The following TBC1D3B variants were observed in gnomAD, a reference collection of about 807,000 sequenced individuals.
TBC1D3B encodes Rab GTPase-activating protein PRC17 duplicate.
TBC1D3B carries 2 observed loss-of-function variants against 27.1 expected under a neutral mutation model. That is an observed-to-expected ratio of 0.07 (90% confidence interval 0.03 to 0.23). The LOEUF is 0.23. TBC1D3B is among the 10% of genes least tolerant of loss of function. TBC1D3B has a pLI of 1.00. For synonymous variants in TBC1D3B, 3 were observed against 150.1 expected, an observed-to-expected ratio of 0.02 and a Z score of 7.16; for missense variants, 17 against 401.3, an observed-to-expected ratio of 0.04 and a Z score of 8.18.
intron 13 of TBC1D3B, among the ~76,000 whole-genome samples, chr17:36,167,049 C>T (rs2068266603): frequency 1.9e-5 from 2 of 105,160 alleles, no homozygotes; most frequent in African/African-American, 5.1e-5. Flanking sequence ...GGCTCTGGGC[C>T]CGGGGTCCCG....
intron 7 of TBC1D3B, among the ~76,000 whole-genome samples, chr17:36,170,864 C>A (rs1362446029): frequency 2.1e-5 from 2 of 94,452 alleles, no homozygotes; most frequent in Admixed American, 9.3e-5. Flanking sequence ...TTTGCACACA[C>A]GCCAGTTCAG....
In TBC1D3B at chr17:36,165,918, A is replaced by C; in HGVS notation, c.*77T>G. On this transcript the variant is annotated 3_prime_UTR_variant, in exon 14 of 14. Transcript: ENST00000611257. Reference sequence around the variant, plus strand: ...CATATTCATAAGTTTAACCAAAAATAAAACGAGGACGCGAAGCTTGCTTGG... The same window carrying C: ...CATATTCATAAGTTTAACCAAAAATCAAACGAGGACGCGAAGCTTGCTTGG... The C allele has an allele frequency of 1.0e-6, 1 of 994,568 alleles. No individual in the cohort carries two copies. The highest frequency in any genetic ancestry group is 2.2e-5 in the East Asian group (1 of 44,694). 61.6% of individuals were successfully genotyped at this position (994,568 alleles called of 1,614,324 possible). A position where few individuals can be genotyped will look rare whatever the true frequency, so the allele number is the denominator to read the frequency against.
At chr17:36,169,436 C>G (rs2068314763) in intron 9 of TBC1D3B, among the ~76,000 whole-genome samples, 1 of 149,588 alleles carries the variant, frequency 6.7e-6, no homozygotes, top group South Asian at 2.1e-4. Flanking sequence ...GACAGGGTGG[C>G]CGGAACTGGG....
At chr17:36,166,829 G>C (rs1263288450) in intron 13 of TBC1D3B, among the ~76,000 whole-genome samples, 1 of 36,872 alleles carries the variant, frequency 2.7e-5, no homozygotes, top group South Asian at 1.7e-3. Flanking sequence ...ACACACCTTC[G>C]TCCCAGGGCT....
rs2068305183 is a variant in TBC1D3B, at chr17:36,169,069, C to A, written c.762+11G>T. On this transcript the variant is annotated intron_variant, in intron 10 of 13. Coordinates refer to ENST00000611257, the MANE Select transcript of TBC1D3B (RefSeq NM_001001417.7). ...GGCCTCTGGGAAGAGCTGAGGGGAC[C>A]ATAAACTCACCTGATGCCCCATGGT... The A allele has an allele frequency of 1.2e-6, 2 of 1,605,670 alleles. No homozygotes were observed. Among genetic ancestry groups the A allele is most frequent in the South Asian group, 1.1e-5 (1 of 90,886 alleles).
chr17:36,170,884 G>A (rs1477280740), intron 7 of TBC1D3B, among the ~76,000 whole-genome samples: 1 of 91,648 alleles, frequency 1.1e-5, no homozygotes, highest in African/African-American at 2.6e-5. Context: ...GTCTGTGGGT[G>A]TACAGTTCCT....
chr17:36,175,561 A>C lies in TBC1D3B; in HGVS notation c.-1-510T>G, dbSNP rs1323572494. ...TGGCTACCGTGGCTCTTCAGTCTGA[A>C]CAGTGAAGCCACTTTAGGAATAACG... On this transcript the variant is annotated intron_variant, in intron 1 of 13. Transcript: ENST00000611257. Among the ~76,000 whole-genome samples, 15 of 104,984 alleles carry C rather than the reference A, an allele frequency of 1.4e-4. No homozygotes were observed. In the South Asian group the frequency reaches 2.9e-3, roughly 20 times the overall value. The allele number at this position is 104,984 out of a possible 152,430, so 68.9% of individuals were successfully genotyped here. A position where few individuals can be genotyped will look rare whatever the true frequency, so the allele number is the denominator to read the frequency against.
At chr17:36,170,935 C>T (rs2068340979) in intron 7 of TBC1D3B, among the ~76,000 whole-genome samples, 1 of 84,200 alleles carries the variant, frequency 1.2e-5, no homozygotes, top group African/African-American at 2.9e-5. Context: ...CCGGCCACCG[C>T]TCCAGCCCCT....
chr17:36,169,603 G>A (rs1282961502), intron 9 of TBC1D3B, among the ~76,000 whole-genome samples: 142 of 139,214 alleles, frequency 1.0e-3, no homozygotes, highest in African/African-American at 3.1e-3. Context: ...TCTCAGGGAG[G>A]GGAGAGTCAG....
chr17:36,169,591 A>C (rs77964667), intron 9 of TBC1D3B, among the ~76,000 whole-genome samples: 1 of 141,840 alleles, frequency 7.1e-6, no homozygotes, highest in Non-Finnish European at 1.6e-5. Flanking sequence ...GGGCAGGAGG[A>C]CTCTCAGGGA....
intron 1 of TBC1D3B, chr17:36,176,122 G>A (rs2068420326): frequency 3.4e-5 from 2 of 59,236 alleles, no homozygotes; most frequent in African/African-American, 1.5e-4. Context: ...TGGGAAACCT[G>A]GGCAGATTTG....
chr17:36,170,819 C>G lies in TBC1D3B; in HGVS notation c.498-216G>C, dbSNP rs2068337437. ...CCAGTTGTACAGTGACTTGCCTGAT[C>G]CTTTTCACTCTGAATGATTTTTTTT... On this transcript the variant is annotated intron_variant, in intron 7 of 13. Coordinates refer to ENST00000611257, the MANE Select transcript of TBC1D3B (RefSeq NM_001001417.7). 2.3e-5 allele frequency among the ~76,000 whole-genome samples: 2 copies of G among 86,630 alleles called. 1 individual carries two copies. Among genetic ancestry groups the G allele is most frequent in the Non-Finnish European group, 7.9e-5 (2 of 25,260 alleles). 56.8% of individuals were successfully genotyped at this position (86,630 alleles called of 152,430 possible).
chr17:36,171,389 G>C (rs1391767128), intron 7 of TBC1D3B, among the ~76,000 whole-genome samples: 1 of 150,840 alleles, frequency 6.6e-6, no homozygotes, highest in African/African-American at 2.4e-5. Flanking sequence ...CAAGTCCATC[G>C]AGCTTTGTGA....
chr17:36,171,521 G>A (rs1309410665), intron 7 of TBC1D3B, among the ~76,000 whole-genome samples: 1 of 151,226 alleles, frequency 6.6e-6, no homozygotes, highest in Non-Finnish European at 1.5e-5. Context: ...GCCTGGGGGG[G>A]CTCATGGGCC....
chr17:36,169,286 C>T lies in TBC1D3B; in HGVS notation c.668-112G>A, dbSNP rs1465111313. ...CCCCCAAACCCCAAGGCTACTCCCACCCTCCCATCTGGTGACCCCAACATG... is the reference window on the plus strand; with the variant it reads ...CCCCCAAACCCCAAGGCTACTCCCATCCTCCCATCTGGTGACCCCAACATG... On this transcript the variant is annotated intron_variant, in intron 9 of 13. Transcript: ENST00000611257. 149 of 1,546,134 alleles carry T rather than the reference C, an allele frequency of 9.6e-5. 14 individuals carry two copies. The highest frequency in any genetic ancestry group is 1.3e-4 in the Non-Finnish European group (142 of 1,121,270).
chr17:36,168,962 C>T (rs1448341741), intron 10 of TBC1D3B, 118 bp downstream of exon 10: 12 of 993,920 alleles, frequency 1.2e-5, no homozygotes, highest in African/African-American at 2.9e-5. Context: ...CGTCCCAGGT[C>T]AGGCCCTGGC....
chr17:36,175,691 C>T (rs1393411553), intron 1 of TBC1D3B, among the ~76,000 whole-genome samples: 1,535 of 102,658 alleles, frequency 0.015, no homozygotes, highest in African/African-American at 0.05. Flanking sequence ...CATTCTGAGC[C>T]GTCCCAACAG....
intron 7 of TBC1D3B, among the ~76,000 whole-genome samples, chr17:36,171,237 T>C (rs474146): frequency 2.0e-5 from 3 of 150,532 alleles, no homozygotes; most frequent in South Asian, 2.1e-4. Flanking sequence ...CTCTCCCCAT[T>C]CCCGTGTTGA....
intron 7 of TBC1D3B, among the ~76,000 whole-genome samples, chr17:36,171,240 C>G (rs1054104445): frequency 4.1e-4 from 61 of 150,264 alleles, no homozygotes; most frequent in African/African-American, 1.0e-3. Flanking sequence ...TCCCCATTCC[C>G]GTGTTGAAGG....
Sources: allele counts gnomAD v4.1 joint callset (sites outside exome capture counted in the v4.1 genomes callset), GRCh38; gene constraint gnomAD v4.1.1; transcripts MANE v1.5; gene names NCBI Gene and HGNC (gene_info 2026-07-23, HGNC 2026-07-21).